Variants in TASP1 observed in about 807,000 individuals in gnomAD.
The protein encoded by TASP1 is taspase 1, also known as threonine aspartase 1.
Under a neutral mutation model 56.6 loss-of-function variants are expected in TASP1, and 16 were observed. That is an observed-to-expected ratio of 0.28 (90% CI 0.19 to 0.43). The LOEUF (loss-of-function observed/expected upper bound fraction) is 0.43, where lower values mean the gene tolerates loss of function less well. Ranked by LOEUF, TASP1 falls within the 20% of genes least tolerant of loss-of-function variation. The pLI is 1.00. For synonymous variants in TASP1, 179 were observed against 184.2 expected (o/e 0.97, Z 0.23); for missense variants, 393 against 511.6 (o/e 0.77, Z 2.24).
the TASP1 span, among the ~76,000 whole-genome samples, chr20:13,156,994 T>C: frequency 6.6e-6 from 1 of 152,238 alleles, no homozygotes; most frequent in Non-Finnish European, 1.5e-5. Flanking sequence ...CTTGTTTCTT[T>C]CAACTTAAGA....
chr20:13,140,168 C>G, the TASP1 span, among the ~76,000 whole-genome samples: 4 of 152,150 alleles, frequency 2.6e-5, no homozygotes, highest in African/African-American at 9.7e-5. Flanking sequence ...TAGTAGCATA[C>G]AGACATTAAG....
the TASP1 span, among the ~76,000 whole-genome samples, chr20:13,349,696 T>A: frequency 2.6e-5 from 4 of 152,242 alleles, no homozygotes; most frequent in African/African-American, 9.6e-5. Context: ...AACATGATAG[T>A]CTATGTAGAA....
chr20:13,629,793 A>G (rs1261243098), intron 2 of TASP1, 141 bp downstream of exon 2: 2 of 1,273,590 alleles, frequency 1.6e-6, no homozygotes, highest in Admixed American at 2.0e-5. Context: ...ACTATATCCA[A>G]GTCAAACAAT....
intron 13 of TASP1, among the ~76,000 whole-genome samples, chr20:13,411,060 TC>T (rs142397747): frequency 0.01 from 1,579 of 152,306 alleles, 27 homozygotes; most frequent in African/African-American, 0.036. Flanking sequence ...TATCTAATTT[TC>T]CCAGCAGCAT....
the TASP1 span, among the ~76,000 whole-genome samples, chr20:13,123,001 G>A: frequency 1.3e-5 from 2 of 152,224 alleles, no homozygotes; most frequent in Non-Finnish European, 2.9e-5. Flanking sequence ...CCCGCCCCAT[G>A]CTCCCAGTTC....
intron 4 of TASP1, 50 bp from the exon 5 acceptor site, chr20:13,587,420 TTAA>T: frequency 6.8e-7 from 1 of 1,474,588 alleles, no homozygotes; most frequent in Non-Finnish European, 9.2e-7. Context: ...AAAAAAAGTA[TTAA>T]TGTCAGTCCT....
chr20:13,304,679 G>A, the TASP1 span, among the ~76,000 whole-genome samples: 1 of 151,988 alleles, frequency 6.6e-6, no homozygotes, highest in African/African-American at 2.4e-5. Flanking sequence ...GGTGATCTTG[G>A]GGGAATCAGT....
At chr20:13,311,243 T>TAGATAGATAGATAGATGATA in the TASP1 span, among the ~76,000 whole-genome samples, 7,599 of 127,458 alleles carry the variant, frequency 0.06, 278 homozygotes, top group Non-Finnish European at 0.077. Flanking sequence ...GATAGATAGA[T>TAGATAGATAGATAGATGATA]GATAGATAGA....
At chr20:13,528,594 T>C (rs996162290) in intron 9 of TASP1, 83 bp from the exon 10 acceptor site, 10 of 1,208,748 alleles carry the variant, frequency 8.3e-6, no homozygotes, top group Admixed American at 2.4e-5. Context: ...TACCCTCTAA[T>C]AAAGCCTGGT....
At chr20:13,298,876 C>T in the TASP1 span, 1 of 1,534,770 alleles carries the variant, frequency 6.5e-7, no homozygotes. Context: ...GTCACATGCT[C>T]CTTGAAGCAC....
At chr20:13,513,945 T>C (rs986457437) in intron 10 of TASP1, among the ~76,000 whole-genome samples, 6 of 152,120 alleles carry the variant, frequency 3.9e-5, no homozygotes, top group African/African-American at 9.7e-5. Context: ...TAAAAAATCT[T>C]TAACTTGAGA....
At chr20:13,538,960 A>G (rs1262837995) in intron 8 of TASP1, among the ~76,000 whole-genome samples, 1 of 152,128 alleles carries the variant, frequency 6.6e-6, no homozygotes, top group Non-Finnish European at 1.5e-5. Flanking sequence ...GGATGGGAGA[A>G]TCGCTTGAAC....
chr20:13,593,832 G>C (rs1352062349), intron 4 of TASP1, among the ~76,000 whole-genome samples: 1 of 152,222 alleles, frequency 6.6e-6, no homozygotes, highest in Non-Finnish European at 1.5e-5. Flanking sequence ...CTGTCTGATA[G>C]CTCTAAAGAG....
intron 6 of TASP1, among the ~76,000 whole-genome samples, chr20:13,580,498 GA>G (rs1327344339): frequency 1.3e-5 from 2 of 151,752 alleles, no homozygotes; most frequent in Non-Finnish European, 2.9e-5. Context: ...AACCCTATAG[GA>G]AAAAAACTGA....
At chr20:13,550,106 G>A (rs999173560) in intron 8 of TASP1, among the ~76,000 whole-genome samples, 2 of 148,650 alleles carry the variant, frequency 1.3e-5, no homozygotes, top group Non-Finnish European at 3.0e-5. Flanking sequence ...ATCTTTATAT[G>A]CTAAGTTAGA....
the TASP1 span, among the ~76,000 whole-genome samples, chr20:13,173,281 G>A: frequency 6.6e-6 from 1 of 152,106 alleles, no homozygotes; most frequent in African/African-American, 2.4e-5. Flanking sequence ...CTATCCCAAA[G>A]CTGCTCCAAC....
chr20:13,567,388 T>C (rs1171058406), intron 7 of TASP1, among the ~76,000 whole-genome samples: 1 of 152,136 alleles, frequency 6.6e-6, no homozygotes, highest in Non-Finnish European at 1.5e-5. Context: ...TTTACCTATA[T>C]AACAAACCTG....
At chr20:13,627,595 ACAAAAATTAG>A (rs1023642101) in intron 2 of TASP1, among the ~76,000 whole-genome samples, 3 of 152,062 alleles carry the variant, frequency 2.0e-5, no homozygotes, top group African/African-American at 7.2e-5. Context: ...TACTAAACAT[ACAAAAATTAG>A]CCGGGCATGG....
At chr20:13,227,693 A>T in the TASP1 span, among the ~76,000 whole-genome samples, 1 of 135,758 alleles carries the variant, frequency 7.4e-6, no homozygotes, top group Admixed American at 7.3e-5. Context: ...TATTTTTAGT[A>T]GAGACGGGGT....
Sources: gnomAD v4.1 joint callset for allele counts (sites outside exome capture counted in the v4.1 genomes callset) on GRCh38, gnomAD v4.1.1 for gene constraint, MANE v1.5 for transcripts, NCBI Gene and HGNC (gene_info 2026-07-23, HGNC 2026-07-21) for gene names.